KLHL8: variants seen among roughly 807,000 people sequenced by gnomAD.
KLHL8 encodes kelch like family member 8, also known as kelch-like protein 8.
A neutral mutation model predicts 63.5 loss-of-function variants in KLHL8; 38 were observed. That is an observed-to-expected ratio of 0.60 (90% CI 0.46 to 0.78). The LOEUF (loss-of-function observed/expected upper bound fraction) is 0.78. Among genes scored for constraint, KLHL8 ranks in the 30% least tolerant of loss-of-function variants. KLHL8 has a pLI of 0.00. For synonymous variants in KLHL8, 224 were observed against 254.3 expected (o/e 0.88, Z 1.13); for missense variants, 566 against 752.4 (o/e 0.75, Z 2.90).
At chr4:87,214,454 AT>A (rs1560716498) in intron 1 of KLHL8, among the ~76,000 whole-genome samples, 21 of 116,612 alleles carry the variant, frequency 1.8e-4, no homozygotes, top group African/African-American at 5.3e-4. Context: ...ATATATATAT[AT>A]ATATAATTGT....
chr4:87,177,435 C>T (rs370309239), intron 5 of KLHL8, among the ~76,000 whole-genome samples: 4 of 151,870 alleles, frequency 2.6e-5, no homozygotes, highest in African/African-American at 7.3e-5. Flanking sequence ...ACCTGGGAAG[C>T]GGAGGTTATA....
At chr4:87,193,922 C>T (rs1201446850) in intron 2 of KLHL8, among the ~76,000 whole-genome samples, 1 of 152,212 alleles carries the variant, frequency 6.6e-6, no homozygotes, top group Non-Finnish European at 1.5e-5. Context: ...TACTGATTTA[C>T]TAGCGGAATG....
intron 2 of KLHL8, among the ~76,000 whole-genome samples, chr4:87,192,139 T>C (rs1330677721): frequency 1.3e-5 from 2 of 152,172 alleles, no homozygotes; most frequent in African/African-American, 2.4e-5. Flanking sequence ...ACTAGGAGGA[T>C]TGCTGGGTTG....
intron 1 of KLHL8, among the ~76,000 whole-genome samples, chr4:87,199,973 T>C (rs1188290171): frequency 6.6e-6 from 1 of 151,378 alleles, no homozygotes; most frequent in Non-Finnish European, 1.5e-5. Context: ...AGACCTTGTC[T>C]CTACAAAAAA....
chr4:87,211,030 T>G (rs1732385069), intron 1 of KLHL8, among the ~76,000 whole-genome samples: 1 of 152,228 alleles, frequency 6.6e-6, no homozygotes, highest in Admixed American at 6.5e-5. Flanking sequence ...TAACACTACA[T>G]AAGCCCCTAA....
At position 87,185,395 on chromosome 4, in the gene KLHL8, A is replaced by G. The variant is rs1284072399; in HGVS notation, c.621T>C (p.Ser207=). The G allele has an allele frequency of 6.2e-7, 1 of 1,614,076 alleles. No homozygotes were observed. The highest frequency in any genetic ancestry group is 2.2e-5 in the East Asian group (1 of 44,892). ...GCTTATGGAGGTGCTGCGGTGATAC[A>G]CTTACAAAGTCTTCACACTCCACTA... ...TEVVECEDFV[S]VSPQHLHKLL... is the part of the protein sequence containing the mutation. Residue 207 remains serine, a synonymous_variant, in exon 3 of 10, where the codon AGT becomes AGC. Coordinates refer to ENST00000273963, the MANE Select transcript of KLHL8 (RefSeq NM_020803.5).
chr4:87,196,101 C>A (rs1379984313), intron 1 of KLHL8, among the ~76,000 whole-genome samples: 2 of 151,976 alleles, frequency 1.3e-5, no homozygotes, highest in African/African-American at 4.8e-5. Context: ...ATGCTTGAAC[C>A]ATCATACGTG....
chr4:87,196,309 T>C (rs1048728364), intron 1 of KLHL8, among the ~76,000 whole-genome samples: 2 of 152,180 alleles, frequency 1.3e-5, no homozygotes, highest in Non-Finnish European at 2.9e-5. Flanking sequence ...GAGATGAAAT[T>C]ACTGGAATAG....
At chr4:87,172,928 T>A (rs1376197133) in intron 6 of KLHL8, among the ~76,000 whole-genome samples, 1 of 152,220 alleles carries the variant, frequency 6.6e-6, no homozygotes, top group Non-Finnish European at 1.5e-5. Context: ...GTATATTTAC[T>A]ATACATGCAT....
Position 87,220,564 on chromosome 4 carries a change from G to A in KLHL8, c.-298C>T, listed in dbSNP as rs1174435285. 6.6e-6 allele frequency: 1 copy of A among 152,052 alleles called. No homozygotes were observed. Among genetic ancestry groups the A allele is most frequent in the Non-Finnish European group, 1.5e-5 (1 of 68,008 alleles). The allele number at this position is 152,052 out of a possible 1,614,324, so 9.4% of individuals were successfully genotyped here. Reference sequence around the variant, plus strand: ...GCGCTCTCCTGCGCGGCCCCGCGGAGCCCCGGCGGGCGCTTGGCGTCCTCT... The same window carrying A: ...GCGCTCTCCTGCGCGGCCCCGCGGAACCCCGGCGGGCGCTTGGCGTCCTCT... On this transcript the variant is annotated 5_prime_UTR_variant, in exon 1 of 10. Coordinates refer to ENST00000273963, the MANE Select transcript of KLHL8 (RefSeq NM_020803.5).
At chr4:87,178,417 T>C (rs1046906760) in intron 5 of KLHL8, 60 bp downstream of exon 5, 4 of 1,454,968 alleles carry the variant, frequency 2.7e-6, no homozygotes, top group African/African-American at 1.5e-5. Flanking sequence ...ATTCTCAGAG[T>C]TGAAATATTT....
intron 6 of KLHL8, 88 bp downstream of exon 6, chr4:87,176,669 T>C (rs1022386777): frequency 5.3e-6 from 4 of 752,774 alleles, no homozygotes; most frequent in Admixed American, 2.6e-5. Context: ...GTTTCTAAAG[T>C]AGAAAAAAAA....
At chr4:87,237,993 T>C (rs913085455) in intron 1 of KLHL8, among the ~76,000 whole-genome samples, 2 of 152,206 alleles carry the variant, frequency 1.3e-5, no homozygotes, top group East Asian at 3.8e-4. Context: ...TGGAGTGCAG[T>C]GGCACAATCT....
intron 4 of KLHL8, among the ~76,000 whole-genome samples, chr4:87,179,408 T>C (rs1019513968): frequency 1.3e-5 from 2 of 152,222 alleles, no homozygotes; most frequent in Non-Finnish European, 2.9e-5. Flanking sequence ...AAAGGCTCTT[T>C]TGATAGCCTT....
chr4:87,229,435 TGG>T (rs1168665096), intron 1 of KLHL8, among the ~76,000 whole-genome samples: 2 of 70,980 alleles, frequency 2.8e-5, no homozygotes, highest in African/African-American at 7.1e-5. Context: ...TTTTTTTTTT[TGG>T]TGGGGGGGGG....
chr4:87,180,316 T>C (rs1731001765), intron 4 of KLHL8, among the ~76,000 whole-genome samples: 1 of 152,230 alleles, frequency 6.6e-6, no homozygotes, highest in African/African-American at 2.4e-5. Context: ...GTACCTGCCA[T>C]GTACTAGGCA....
chr4:87,163,726 G>A (rs1260861324), intron 9 of KLHL8, 84 bp from the exon 10 acceptor site: 1 of 1,579,228 alleles, frequency 6.3e-7, no homozygotes, highest in African/African-American at 1.4e-5. Context: ...TTCCCTATGT[G>A]AGACTGGTTT....
At chr4:87,239,954 C>T (rs990134484) in intron 1 of KLHL8, among the ~76,000 whole-genome samples, 1 of 152,132 alleles carries the variant, frequency 6.6e-6, no homozygotes, top group Non-Finnish European at 1.5e-5. Context: ...TTTCTATGAT[C>T]TTAACCCCCT....
In KLHL8 at chr4:87,160,910, CTCT is replaced by C. The variant is rs554819349; in HGVS notation, c.*2606_*2608del. 17 of 152,256 alleles carry C rather than the reference CTCT, an allele frequency of 1.1e-4. No individual in the cohort carries two copies. Among genetic ancestry groups the C allele is most frequent in the African/African-American group, 4.1e-4 (17 of 41,550 alleles). 9.4% of individuals were successfully genotyped at this position (152,256 alleles called of 1,614,324 possible). On this transcript the variant is annotated 3_prime_UTR_variant, in exon 10 of 10. Transcript: ENST00000273963. ...TAGCCATCTTCTTTGAATATTTCAT[CTCT>C]TCATTTCTATGAATATAATCATCTT...
Sources: gnomAD v4.1 joint callset for allele counts (sites outside exome capture counted in the v4.1 genomes callset) on GRCh38, gnomAD v4.1.1 for gene constraint, MANE v1.5 for transcripts, NCBI Gene and HGNC (gene_info 2026-07-23, HGNC 2026-07-21) for gene names.